Variants in DNAH9 observed in about 807,000 individuals in gnomAD.
The protein encoded by DNAH9 is DNAH9 variant protein.
DNAH9 carries 345 observed loss-of-function variants against 471.6 expected under a neutral mutation model. That is an observed-to-expected ratio of 0.73 (90% CI 0.67 to 0.80). The LOEUF is 0.80. Among genes scored for constraint, DNAH9 ranks in the 30% least tolerant of loss-of-function variants. The pLI is 0.00. For missense variants in DNAH9, 5,407 were observed against 5,609.2 expected, an observed-to-expected ratio of 0.96 and a Z score of 1.15; for synonymous variants, 2,093 against 2,123.6, an observed-to-expected ratio of 0.99 and a Z score of 0.40.
At chr17:11,878,909 A>G (rs1205428332) in intron 53 of DNAH9, among the ~76,000 whole-genome samples, 1 of 152,232 alleles carries the variant, frequency 6.6e-6, no homozygotes, top group African/African-American at 2.4e-5. Flanking sequence ...ATGGAAATCC[A>G]ATCAATTTAA....
chr17:11,823,384 C>T (rs904861811), intron 48 of DNAH9, among the ~76,000 whole-genome samples: 1 of 152,162 alleles, frequency 6.6e-6, no homozygotes, highest in African/African-American at 2.4e-5. Flanking sequence ...CCTGAAGCAC[C>T]TCTTCCCTCT....
chr17:11,678,151 G>A lies in DNAH9; in HGVS notation c.3354-1606G>A, dbSNP rs997266171. Among the ~76,000 whole-genome samples, 12 of 152,010 alleles carry A rather than the reference G, an allele frequency of 7.9e-5. No individual in the cohort carries two copies. In the East Asian group the frequency reaches 1.3e-3, roughly 17 times the overall value. On this transcript the variant is annotated intron_variant, in intron 17 of 68. Transcript: ENST00000262442. ...ACTCACTGCAACCTCTCTGCCTCCCGGATTCAAGTGATTCTTCTGCCTCAG... is the reference window on the plus strand; with the variant it reads ...ACTCACTGCAACCTCTCTGCCTCCCAGATTCAAGTGATTCTTCTGCCTCAG...
intron 26 of DNAH9, among the ~76,000 whole-genome samples, chr17:11,707,876 C>G (rs989901784): frequency 6.6e-6 from 1 of 151,960 alleles, no homozygotes; most frequent in African/African-American, 2.4e-5. Flanking sequence ...GTCTGTTCCA[C>G]TGGTACCGTC....
chr17:11,728,227 A>G (rs1266613676), intron 28 of DNAH9, among the ~76,000 whole-genome samples: 1 of 152,230 alleles, frequency 6.6e-6, no homozygotes, highest in African/African-American at 2.4e-5. Context: ...TGAAGATGGC[A>G]GAGCTCAGCT....
chr17:11,773,326 G>A (rs1968291884), intron 38 of DNAH9, among the ~76,000 whole-genome samples: 1 of 152,120 alleles, frequency 6.6e-6, no homozygotes, highest in Admixed American at 6.5e-5. Flanking sequence ...TAATGTGTCT[G>A]TAATGGTAAA....
chr17:11,767,983 C>A (rs1411189842), intron 36 of DNAH9, among the ~76,000 whole-genome samples: 1 of 152,110 alleles, frequency 6.6e-6, no homozygotes, highest in Non-Finnish European at 1.5e-5. Flanking sequence ...CTAGCTGATA[C>A]CCAAACCCCT....
At chr17:11,765,817 A>G (rs1239875290) in intron 36 of DNAH9, among the ~76,000 whole-genome samples, 2 of 152,192 alleles carry the variant, frequency 1.3e-5, no homozygotes, top group Non-Finnish European at 2.9e-5. Context: ...TCCCGAATGC[A>G]TAGGTTTAAT....
In DNAH9 at chr17:11,929,950, G is replaced by A; in HGVS notation, c.11962G>A (p.Val3988Ile). The part of the protein sequence containing the change: ...HSENSHPEFR[V>I]FMSAEPAPSP... The stretch of plus-strand genomic sequence containing the variant: ...TGAGAACAGCCACCCAGAGTTCAGG[G>A]TCTTCATGAGTGCAGAGCCAGCACC... Residue 3988 changes from valine (V) to isoleucine (I), a missense_variant, in exon 63 of 69, where the codon GTC becomes ATC. This residue lies in a region of DNAH9 where 4,636 missense variants were observed against 4,900.3 expected (regional missense o/e 0.95). Coordinates refer to ENST00000262442, the MANE Select transcript of DNAH9 (RefSeq NM_001372.4). 1 of 1,614,018 alleles carries A rather than the reference G, an allele frequency of 6.2e-7. No individual in the cohort carries two copies. The highest frequency in any genetic ancestry group is 1.7e-4 in the Middle Eastern group (1 of 6,060).
At position 11,932,884 on chromosome 17, in the gene DNAH9, TAACA is replaced by T. The variant is rs1359845404; in HGVS notation, c.12297+681_12297+684del. Among the ~76,000 whole-genome samples, 1 of 152,222 alleles carries T rather than the reference TAACA, an allele frequency of 6.6e-6. No homozygotes were observed. The highest frequency in any genetic ancestry group is 1.5e-5 in the Non-Finnish European group (1 of 68,048). ...CCTGATATAAGTTCCCAAACTTCGC[TAACA>T]ATCAGTGCTCTTCCAGTTAAGGGAA... On this transcript the variant is annotated intron_variant, in intron 64 of 68. Coordinates refer to ENST00000262442, the MANE Select transcript of DNAH9 (RefSeq NM_001372.4). This position sits in a 1 kb window ranked among gnomAD's most constrained non-coding sequence, Gnocchi z 4.3.
intron 67 of DNAH9, among the ~76,000 whole-genome samples, chr17:11,944,295 G>A (rs1975041846): frequency 6.6e-6 from 1 of 152,110 alleles, no homozygotes; most frequent in African/African-American, 2.4e-5. Context: ...TATAAAGCAG[G>A]GTGAAATTAA....
At position 11,679,789 on chromosome 17, in the gene DNAH9, G is replaced by A. The variant is rs200266837; in HGVS notation, c.3386G>A (p.Ser1129Asn). Residue 1129 changes from serine (S) to asparagine (N), a missense_variant, in exon 18 of 69, where the codon AGT becomes AAT. Ser to Asn is a conservative substitution (Grantham distance 46). Around this residue, in one of 3 missense-constraint regions of DNAH9, gnomAD observed 4,636 missense variants for 4,900.3 expected, o/e 0.95. Coordinates refer to ENST00000262442, the MANE Select transcript of DNAH9 (RefSeq NM_001372.4). Reference sequence around the variant, plus strand: ...AACCTGGATGCGTTTATAAAGAAGAGTGAGAGCGGCTTACTCAAGAAAGTT... The same window carrying A: ...AACCTGGATGCGTTTATAAAGAAGAATGAGAGCGGCTTACTCAAGAAAGTT... Reference protein sequence around the residue: ...LANLDAFIKKSESGLLKKVEK... With the variant: ...LANLDAFIKKNESGLLKKVEK... 1.9e-6 allele frequency: 3 copies of A among 1,614,126 alleles called. No homozygotes were observed. Among genetic ancestry groups the A allele is most frequent in the South Asian group, 2.2e-5 (2 of 91,072 alleles).
At position 11,884,838 on chromosome 17, in the gene DNAH9, G is replaced by A. The variant is rs142687442; in HGVS notation, c.10971+1088G>A. Among the ~76,000 whole-genome samples, 592 of 152,260 alleles carry A rather than the reference G, an allele frequency of 3.9e-3. 3 individuals are homozygous for A. The highest frequency in any genetic ancestry group is 0.014 in the African/African-American group (573 of 41,568). ...GCCACTGCCCTGGATAAGAGAGCTGGGGAGACAGACCCAACTTACATCAAG... is the reference window on the plus strand; with the variant it reads ...GCCACTGCCCTGGATAAGAGAGCTGAGGAGACAGACCCAACTTACATCAAG... On this transcript the variant is annotated intron_variant, in intron 56 of 68. Coordinates refer to ENST00000262442, the MANE Select transcript of DNAH9 (RefSeq NM_001372.4).
chr17:11,655,351 G>GGTT (rs1022413518), intron 14 of DNAH9, among the ~76,000 whole-genome samples: 8 of 147,824 alleles, frequency 5.4e-5, no homozygotes, highest in African/African-American at 2.0e-4. Flanking sequence ...AGCATTCCAT[G>GGTT]GTGTGTGTGT....
chr17:11,641,380 C>T lies in DNAH9; in HGVS notation c.1901+996C>T, dbSNP rs571641207. Among the ~76,000 whole-genome samples the T allele has an allele frequency of 3.3e-5, 5 of 152,190 alleles. No homozygotes were observed. In the East Asian group the frequency reaches 9.7e-4, roughly 30 times the overall value. On this transcript the variant is annotated intron_variant, in intron 10 of 68. Coordinates refer to ENST00000262442, the MANE Select transcript of DNAH9 (RefSeq NM_001372.4). The stretch of plus-strand genomic sequence containing the variant: ...CCAATGATCAAGGATTCCATTTTTT[C>T]TCAAACTCTGTGCAGAACTAACAAA...
intron 38 of DNAH9, 99 bp from the exon 39 acceptor site, chr17:11,780,910 T>A: frequency 7.6e-7 from 1 of 1,308,478 alleles, no homozygotes; most frequent in South Asian, 1.5e-5. Context: ...TTTGCACACA[T>A]GAAGGCAGCA....
intron 67 of DNAH9, among the ~76,000 whole-genome samples, chr17:11,949,520 T>TGTCCAG: frequency 6.6e-6 from 1 of 152,150 alleles, no homozygotes; most frequent in Middle Eastern, 3.4e-3. Context: ...TTGCTCTTGT[T>TGTCCAG]GTCCAGGCTG....
chr17:11,620,028 T>C (rs2072822919), intron 6 of DNAH9: 2 of 492,112 alleles, frequency 4.1e-6, no homozygotes, highest in South Asian at 5.4e-5. Flanking sequence ...CGGGCCAACA[T>C]GGCAAAACGC....
chr17:11,762,685 G>A (rs1404233713), intron 35 of DNAH9, among the ~76,000 whole-genome samples: 2 of 150,306 alleles, frequency 1.3e-5, no homozygotes, highest in African/African-American at 2.4e-5. Context: ...TGTTTTCAAT[G>A]GAAGGAAACC....
At chr17:11,640,528 C>A (rs2073252137) in intron 10 of DNAH9, 144 bp downstream of exon 10, 3 of 704,636 alleles carry the variant, frequency 4.3e-6, no homozygotes, top group Non-Finnish European at 7.6e-6. Flanking sequence ...GGATTAGACA[C>A]CTATTGGCAA....
Sources: allele counts gnomAD v4.1 joint callset (sites outside exome capture counted in the v4.1 genomes callset), GRCh38; gene constraint gnomAD v4.1.1; regional missense constraint gnomAD v4.1.1; non-coding constraint Gnocchi (gnomAD v3.1); transcripts MANE v1.5; gene names NCBI Gene and HGNC (gene_info 2026-07-23, HGNC 2026-07-21).